WDR64: variants seen among roughly 807,000 people sequenced by gnomAD.
The protein encoded by WDR64 is WD repeat-containing protein 64.
WDR64 carries 112 observed loss-of-function variants against 139.3 expected under a neutral mutation model. That is an observed-to-expected ratio of 0.80 (90% CI 0.69 to 0.94). The LOEUF is 0.94. WDR64 is among the 40% of genes least tolerant of loss of function. The pLI is 0.00. For missense variants in WDR64, 1,206 were observed against 1,293.1 expected (o/e 0.93, Z 1.03); for synonymous variants, 444 against 437.7 (o/e 1.01, Z -0.18).
intron 16 of WDR64, among the ~76,000 whole-genome samples, chr1:241,767,565 G>T (rs1026947743): frequency 2.0e-5 from 3 of 152,098 alleles, no homozygotes; most frequent in African/African-American, 7.2e-5. Context: ...CTAAGCATTT[G>T]GGGGACGGGA....
At position 241,770,618 on chromosome 1, in the gene WDR64, T is replaced by C. The variant is rs1469886886; in HGVS notation, c.2184-3T>C. ...CCTGTGGGCTTCCCCACTCCCCTTA[T>C]AGGAGATCAAGTCAGGATTCCATAT... On this transcript the variant is annotated splice_polypyrimidine_tract_variant and splice_region_variant and intron_variant, in intron 17 of 27. Coordinates refer to ENST00000437684, the MANE Select transcript of WDR64 (RefSeq NM_001367482.1). 3.9e-6 allele frequency: 6 copies of C among 1,551,168 alleles called. No individual in the cohort carries two copies. The highest frequency in any genetic ancestry group is 4.4e-6 in the Non-Finnish European group (5 of 1,146,714).
intron 13 of WDR64, among the ~76,000 whole-genome samples, chr1:241,748,878 T>A (rs1669868429): frequency 6.7e-6 from 1 of 149,354 alleles, no homozygotes; most frequent in Non-Finnish European, 1.5e-5. Flanking sequence ...AGGCGGAGCT[T>A]GCAGTGAGCC....
chr1:241,717,526 T>C (rs1030085059), intron 9 of WDR64, among the ~76,000 whole-genome samples: 1 of 151,868 alleles, frequency 6.6e-6, no homozygotes, highest in African/African-American at 2.4e-5. Context: ...ATGAAGTGAC[T>C]CACCCAACTG....
At chr1:241,655,666 G>C (rs957990347) in intron 1 of WDR64, among the ~76,000 whole-genome samples, 1 of 150,384 alleles carries the variant, frequency 6.6e-6, no homozygotes, top group South Asian at 2.1e-4. Flanking sequence ...CTGATTTTGC[G>C]CATGTCATTC....
intron 1 of WDR64, among the ~76,000 whole-genome samples, chr1:241,660,169 A>G (rs1665767824): frequency 6.6e-6 from 1 of 152,182 alleles, no homozygotes; most frequent in Non-Finnish European, 1.5e-5. Context: ...TTAAATAGGG[A>G]ATCCTTTCCC....
chr1:241,786,941 TTTA>T (rs930104302), intron 23 of WDR64, among the ~76,000 whole-genome samples: 4 of 152,276 alleles, frequency 2.6e-5, no homozygotes, highest in African/African-American at 9.6e-5. Context: ...CAAATGCAGT[TTTA>T]TTATCCTGAA....
chr1:241,653,835 G>A (rs569192757), intron 1 of WDR64, among the ~76,000 whole-genome samples: 7 of 152,250 alleles, frequency 4.6e-5, no homozygotes, highest in East Asian at 3.9e-4. Flanking sequence ...GTGAGCCACC[G>A]TGCCCGGCCA....
At chr1:241,663,022 G>A (rs757050681) in intron 2 of WDR64, among the ~76,000 whole-genome samples, 4 of 152,046 alleles carry the variant, frequency 2.6e-5, no homozygotes, top group Non-Finnish European at 5.9e-5. Context: ...GTTCAAAAGA[G>A]TTCATAAAAG....
At chr1:241,760,132 G>T (rs1400981085) in intron 15 of WDR64, among the ~76,000 whole-genome samples, 1 of 152,082 alleles carries the variant, frequency 6.6e-6, no homozygotes, top group African/African-American at 2.4e-5. Context: ...ATGGATACTT[G>T]GGTTGCTTTC....
chr1:241,802,665 A>T lies in WDR64; in HGVS notation c.*1450A>T, dbSNP rs1176826350. Among the ~76,000 whole-genome samples, 1 of 152,170 alleles carries T rather than the reference A, an allele frequency of 6.6e-6. No individual in the cohort carries two copies. Among genetic ancestry groups the T allele is most frequent in the African/African-American group, 2.4e-5 (1 of 41,456 alleles). The stretch of plus-strand genomic sequence containing the variant: ...TCAAAAAAATAAGATGAACTAATGG[A>T]TAGAGGGATGGACTGATAGATGGAT... On this transcript the variant is annotated 3_prime_UTR_variant, in exon 28 of 28. Transcript: ENST00000437684.
In WDR64 at chr1:241,770,725, C is replaced by A. The variant is rs938853484; in HGVS notation, c.2253+35C>A. On this transcript the variant is annotated intron_variant, in intron 18 of 27. Coordinates refer to ENST00000437684, the MANE Select transcript of WDR64 (RefSeq NM_001367482.1). ...ACACAGACAGGGTCTGTCTTCCTGT[C>A]ATACTCAATGTTGGTTCAAAAATAG... 2.6e-6 allele frequency: 4 copies of A among 1,540,842 alleles called. No homozygotes were observed. In the African/African-American group the frequency reaches 4.1e-5, roughly 16 times the overall value.
At chr1:241,793,785 C>T (rs757398567) in intron 25 of WDR64, among the ~76,000 whole-genome samples, 9 of 152,210 alleles carry the variant, frequency 5.9e-5, no homozygotes, top group Non-Finnish European at 1.2e-4. Context: ...ATACCAGGTA[C>T]ATTTTAGTTT....
At position 241,659,870 on chromosome 1, in the gene WDR64, C is replaced by T. The variant is rs546677712; in HGVS notation, c.146-660C>T. Among the ~76,000 whole-genome samples the T allele has an allele frequency of 1.2e-3, 187 of 151,968 alleles. 1 individual carries two copies. Among genetic ancestry groups the T allele is most frequent in the Non-Finnish European group, 1.8e-3 (123 of 67,986 alleles). ...CCTTCTGTAGGTTGTCTGTTCACTC[C>T]GATGATAGTTTCTTTTGCTGTGCAG... On this transcript the variant is annotated intron_variant, in intron 1 of 27. Transcript: ENST00000437684.
At chr1:241,779,131 C>T (rs1658760289) in intron 21 of WDR64, among the ~76,000 whole-genome samples, 1 of 151,994 alleles carries the variant, frequency 6.6e-6, no homozygotes, top group Admixed American at 6.6e-5. Context: ...GTTAATTTTG[C>T]AAAGTACAGA....
At position 241,801,115 on chromosome 1, in the gene WDR64, T is replaced by G; in HGVS notation, c.3193-17T>G. On this transcript the variant is annotated splice_polypyrimidine_tract_variant and intron_variant, in intron 27 of 27. Coordinates refer to ENST00000437684, the MANE Select transcript of WDR64 (RefSeq NM_001367482.1). The stretch of plus-strand genomic sequence containing the variant: ...GTAGAATGCCAGTTACTAACTGACA[T>G]GCTCTTTATTTCACAGGCACCACGA... 1 of 1,610,220 alleles carries G rather than the reference T, an allele frequency of 6.2e-7. No homozygotes were observed. Among genetic ancestry groups the G allele is most frequent in the Admixed American group, 1.7e-5 (1 of 59,976 alleles).
intron 8 of WDR64, among the ~76,000 whole-genome samples, chr1:241,699,844 G>A (rs1667641692): frequency 6.6e-6 from 1 of 152,124 alleles, no homozygotes. Context: ...AGCATGAAAA[G>A]ACCTGCATAC....
chr1:241,748,014 T>C (rs1405978109), intron 13 of WDR64, among the ~76,000 whole-genome samples: 1 of 152,162 alleles, frequency 6.6e-6, no homozygotes, highest in African/African-American at 2.4e-5. Context: ...ACAGAGCTCG[T>C]CACATGTCAC....
At chr1:241,713,869 G>A (rs1357725284) in intron 9 of WDR64, among the ~76,000 whole-genome samples, 7 of 152,194 alleles carry the variant, frequency 4.6e-5, no homozygotes, top group Non-Finnish European at 1.0e-4. Flanking sequence ...ATGCTTTTGG[G>A]GATTAGTAAG....
At chr1:241,798,442 T>C (rs1301254763) in intron 27 of WDR64, among the ~76,000 whole-genome samples, 2 of 152,168 alleles carry the variant, frequency 1.3e-5, no homozygotes, top group Non-Finnish European at 2.9e-5. Context: ...TGGGATAGAT[T>C]AAAGCACCAC....
Sources: allele counts gnomAD v4.1 joint callset (sites outside exome capture counted in the v4.1 genomes callset), GRCh38; gene constraint gnomAD v4.1.1; transcripts MANE v1.5; gene names NCBI Gene and HGNC (gene_info 2026-07-23, HGNC 2026-07-21).